The following RAB5A variants were observed in gnomAD, a reference collection of about 807,000 sequenced individuals.
The protein encoded by RAB5A is ras-related protein Rab-5A.
Under a neutral mutation model 25.7 loss-of-function variants are expected in RAB5A, and 8 were observed. The observed-to-expected ratio is 0.31, with a 90% CI of 0.18 to 0.56. The LOEUF is 0.56. Ranked by LOEUF, RAB5A falls within the 20% of genes least tolerant of loss-of-function variation. RAB5A has a pLI of 0.91. For missense variants in RAB5A, 192 were observed against 259.7 expected, an observed-to-expected ratio of 0.74 and a Z score of 1.79; for synonymous variants, 98 against 89.8, an observed-to-expected ratio of 1.09 and a Z score of -0.52.
At chr3:19,975,938 A>G in intron 3 of RAB5A, 109 bp from the exon 4 acceptor site, 1 of 1,430,296 alleles carries the variant, frequency 7.0e-7, no homozygotes, top group Non-Finnish European at 9.4e-7. Flanking sequence ...AGTCCTAATA[A>G]TTTCTTTCCC....
intron 2 of RAB5A, 156 bp from the exon 3 acceptor site, chr3:19,975,444 TC>T (rs1002109452): frequency 6.5e-6 from 4 of 617,756 alleles, no homozygotes; most frequent in African/African-American, 1.9e-5. Flanking sequence ...TCTTTTTTTT[TC>T]CCCCCTCATT....
chr3:19,976,084 T>G lies in RAB5A; in HGVS notation c.353T>G (p.Leu118Arg). The G allele has an allele frequency of 6.2e-7, 1 of 1,613,178 alleles. No homozygotes were observed. The highest frequency in any genetic ancestry group is 8.5e-7 in the Non-Finnish European group (1 of 1,179,678). The change falls in exon 4 of 6, where the codon CTT becomes CGT. Residue 118 changes from leucine (L) to arginine (R), a missense_variant. Leu to Arg is a moderately radical substitution (Grantham distance 102). Coordinates refer to ENST00000273047, the MANE Select transcript of RAB5A (RefSeq NM_004162.5). ...AGAGCAAAAAATTGGGTTAAAGAAC[T>G]TCAGAGGCAAGCAAGTCCTAACATT... ...FARAKNWVKE[L>R]QRQASPNIVI...
rs1382973577 is a variant in RAB5A, at chr3:19,976,117, C to G, written c.386C>G (p.Ala129Gly). The G allele has an allele frequency of 6.2e-7, 1 of 1,612,626 alleles. No individual in the cohort carries two copies. The highest frequency in any genetic ancestry group is 2.2e-5 in the East Asian group (1 of 44,744). The change falls in exon 4 of 6, where the codon GCT becomes GGT. Residue 129 changes from alanine (A) to glycine (G), a missense_variant. Physicochemically the swap from Ala to Gly is moderately conservative, Grantham distance 60. This residue lies in a region of RAB5A where 121 missense variants were observed against 135.7 expected (regional missense o/e 0.89). Coordinates refer to ENST00000273047, the MANE Select transcript of RAB5A (RefSeq NM_004162.5). ...CAAGCAAGTCCTAACATTGTAATAG[C>G]TTTATCGGGAAACAAGGCCGACCTA... The part of the protein sequence containing the change: ...QRQASPNIVI[A>G]LSGNKADLAN...
At chr3:19,949,291 C>G (rs1397035199) in intron 1 of RAB5A, among the ~76,000 whole-genome samples, 2 of 152,178 alleles carry the variant, frequency 1.3e-5, no homozygotes, top group African/African-American at 4.8e-5. Context: ...GAGGTAGTTT[C>G]ATTGCCTTAA....
intron 2 of RAB5A, among the ~76,000 whole-genome samples, chr3:19,969,044 GGTTTTTTTTTTT>G (rs1696705733): frequency 1.5e-5 from 1 of 65,554 alleles, no homozygotes; most frequent in East Asian, 4.3e-4. Context: ...TTTTTTTTTT[GGTTTTTTTTTTT>G]TTTTTGAGAT....
intron 2 of RAB5A, among the ~76,000 whole-genome samples, chr3:19,970,977 A>C (rs1380366348): frequency 6.6e-6 from 1 of 152,140 alleles, no homozygotes; most frequent in African/African-American, 2.4e-5. Context: ...CGGATGGATC[A>C]CCAGAGGTCA....
At chr3:19,975,948 C>T in intron 3 of RAB5A, 99 bp from the exon 4 acceptor site, 2 of 1,454,076 alleles carry the variant, frequency 1.4e-6, no homozygotes, top group Non-Finnish European at 9.2e-7. Flanking sequence ...ATTTCTTTCC[C>T]ACAGTCACTT....
intron 2 of RAB5A, among the ~76,000 whole-genome samples, chr3:19,958,687 T>TA (rs1466720625): frequency 2.0e-5 from 3 of 152,112 alleles, no homozygotes; most frequent in African/African-American, 7.2e-5. Context: ...CTACTAAAAA[T>TA]ACAAAAACTA....
rs1359528880 is a variant in RAB5A, at chr3:19,984,487, T to C, written c.*664T>C. 1 of 227,282 alleles carries C rather than the reference T, an allele frequency of 4.4e-6. No individual in the cohort carries two copies. Among genetic ancestry groups the C allele is most frequent in the African/African-American group, 2.4e-5 (1 of 41,934 alleles). The allele number at this position is 227,282 out of a possible 1,614,324, so 14.1% of individuals were successfully genotyped here. On this transcript the variant is annotated 3_prime_UTR_variant, in exon 6 of 6. Transcript: ENST00000273047. ...TTTAGGAATTTTGAGAACTAATAAA[T>C]GCACCTTAATGGTCAGTGTTCCTTT... is the stretch of plus-strand genomic sequence containing the variant.
At position 19,985,068 on chromosome 3, in the gene RAB5A, C is replaced by G. The variant is rs975474759; in HGVS notation, c.*1245C>G. On this transcript the variant is annotated 3_prime_UTR_variant, in exon 6 of 6. Transcript: ENST00000273047. The stretch of plus-strand genomic sequence containing the variant: ...TTTAATCTATTTAAGTGTTGGACTG[C>G]TAGGAGAACTTGTACATTTATGATA... 14 of 256,362 alleles carry G rather than the reference C, an allele frequency of 5.5e-5. No homozygotes were observed. The Admixed American group carries it at 7.0e-4, about 13-fold the overall frequency. The allele number at this position is 256,362 out of a possible 1,614,324, so 15.9% of individuals were successfully genotyped here. A position where few individuals can be genotyped will look rare whatever the true frequency, so the allele number is the denominator to read the frequency against.
In RAB5A at chr3:19,951,494, T is replaced by TA. The variant is rs572086749; in HGVS notation, c.163+437dup. ...ATTTGCAAATAATTATACTTACTTG[T>TA]AAAATTAAATGTAATTAAATACTGC... On this transcript the variant is annotated intron_variant, in intron 2 of 5. Coordinates refer to ENST00000273047, the MANE Select transcript of RAB5A (RefSeq NM_004162.5). Among the ~76,000 whole-genome samples the TA allele has an allele frequency of 1.9e-4, 29 of 152,314 alleles. 2 individuals are homozygous for TA. The East Asian group carries it at 5.6e-3, about 29-fold the overall frequency.
chr3:19,983,078 T>A (rs376646595), intron 5 of RAB5A, among the ~76,000 whole-genome samples: 1 of 152,160 alleles, frequency 6.6e-6, no homozygotes, highest in East Asian at 1.9e-4. Flanking sequence ...GGCTCACGCC[T>A]ATAATCCCAA....
At chr3:19,978,087 A>G (rs1324089400) in intron 4 of RAB5A, among the ~76,000 whole-genome samples, 1 of 152,220 alleles carries the variant, frequency 6.6e-6, no homozygotes, top group African/African-American at 2.4e-5. Context: ...AGGTGGGATA[A>G]TGCAAGAATT....
At chr3:19,959,444 T>TA (rs1696552858) in intron 2 of RAB5A, among the ~76,000 whole-genome samples, 1 of 111,078 alleles carries the variant, frequency 9.0e-6, no homozygotes, top group Non-Finnish European at 2.2e-5. Context: ...ATGTACTAAT[T>TA]TATATATATA....
At chr3:19,955,090 T>C (rs1696480807) in intron 2 of RAB5A, among the ~76,000 whole-genome samples, 1 of 152,168 alleles carries the variant, frequency 6.6e-6, no homozygotes, top group Admixed American at 6.5e-5. Flanking sequence ...GTAAATACTC[T>C]CAAAAAATAC....
chr3:19,956,146 G>A (rs1696498681), intron 2 of RAB5A, among the ~76,000 whole-genome samples: 2 of 152,068 alleles, frequency 1.3e-5, no homozygotes, highest in South Asian at 4.1e-4. Flanking sequence ...AAATGATCAA[G>A]GCCTGATAAT....
chr3:19,983,596 A>G (rs184632137), intron 5 of RAB5A, 112 bp from the exon 6 acceptor site: 2 of 721,836 alleles, frequency 2.8e-6, no homozygotes, highest in Admixed American at 2.2e-5. Flanking sequence ...ACATATGGTT[A>G]TATGATACTT....
intron 2 of RAB5A, among the ~76,000 whole-genome samples, chr3:19,957,119 G>T (rs1696515438): frequency 6.9e-6 from 1 of 145,008 alleles, no homozygotes; most frequent in African/African-American, 2.9e-5. Flanking sequence ...TGTAGGGACA[G>T]ATCTCACTGT....
intron 1 of RAB5A, among the ~76,000 whole-genome samples, chr3:19,949,835 G>T (rs767168072): frequency 6.6e-6 from 1 of 151,794 alleles, no homozygotes; most frequent in Non-Finnish European, 1.5e-5. Flanking sequence ...GCTTGAGCCC[G>T]AGAGTTCAGG....
Sources: gnomAD v4.1 joint callset for allele counts (sites outside exome capture counted in the v4.1 genomes callset) on GRCh38, gnomAD v4.1.1 for gene constraint, gnomAD v4.1.1 regional missense constraint, MANE v1.5 for transcripts, NCBI Gene and HGNC (gene_info 2026-07-23, HGNC 2026-07-21) for gene names.